PCDHGB4: variants seen among roughly 807,000 people sequenced by gnomAD.
PCDHGB4 encodes the protein protocadherin gamma-B4.
Under a neutral mutation model 60.5 loss-of-function variants are expected in PCDHGB4, and 38 were observed. The ratio of observed to expected loss-of-function variants is 0.63; its 90% CI spans 0.48 to 0.82. The LOEUF is 0.82. Among genes scored for constraint, PCDHGB4 ranks in the 40% least tolerant of loss-of-function variants. PCDHGB4 has a pLI of 0.00. For missense variants in PCDHGB4, 1,109 were observed against 1,209.6 expected (o/e 0.92, Z 1.23); for synonymous variants, 456 against 509.7 (o/e 0.89, Z 1.42).
chr5:141,464,622 CT>C (rs947370342), intron 1 of PCDHGB4, among the ~76,000 whole-genome samples: 8 of 152,058 alleles, frequency 5.3e-5, no homozygotes, highest in African/African-American at 1.9e-4. Flanking sequence ...TATTGTCAAG[CT>C]TTTTAATTGT....
Position 141,491,730 on chromosome 5 carries a change from C to G in PCDHGB4, c.2398-3077C>G, listed in dbSNP as rs1346666614. 1 of 1,603,920 alleles carries G rather than the reference C, an allele frequency of 6.2e-7. No homozygotes were observed. Among genetic ancestry groups the G allele is most frequent in the Non-Finnish European group, 8.5e-7 (1 of 1,175,836 alleles). ...GGGGCTCGGCGCCGCCCCGGGCGAC[C>G]CCTGGGGGCGGCACTGGAGAAGCCG... On this transcript the variant is annotated intron_variant, in intron 1 of 3. Coordinates refer to ENST00000519479, the MANE Select transcript of PCDHGB4 (RefSeq NM_003736.4). The surrounding 1 kb of genome is among the most constrained non-coding windows in gnomAD (Gnocchi z 6.9).
chr5:141,478,631 A>G (rs781339775), intron 1 of PCDHGB4: 1 of 1,553,196 alleles, frequency 6.4e-7, no homozygotes, highest in Non-Finnish European at 8.7e-7. Context: ...CTGTTTTTTT[A>G]GTGATGAAGA....
intron 1 of PCDHGB4, chr5:141,422,516 G>A (rs575294611): frequency 1.2e-6 from 2 of 1,614,014 alleles, no homozygotes; most frequent in African/African-American, 1.3e-5. Context: ...GACCAGGGAA[G>A]CCCGCCTTTG....
Position 141,420,946 on chromosome 5 carries a change from A to G in PCDHGB4, c.2397+30665A>G, listed in dbSNP as rs1561791007. 5 of 400,268 alleles carry G rather than the reference A, an allele frequency of 1.2e-5. No homozygotes were observed. In the East Asian group the frequency reaches 1.7e-4, roughly 14 times the overall value. The allele number at this position is 400,268 out of a possible 1,614,324, so 24.8% of individuals were successfully genotyped here. A position where few individuals can be genotyped will look rare whatever the true frequency, so the allele number is the denominator to read the frequency against. ...AGGTGAGCGTAATCATTTCTTCTGG[A>G]ATTTCTTAGTCGTTGCAATAATAAG... On this transcript the variant is annotated intron_variant, in intron 1 of 3. Coordinates refer to ENST00000519479, the MANE Select transcript of PCDHGB4 (RefSeq NM_003736.4).
At chr5:141,499,880 G>A (rs1177287013) in intron 2 of PCDHGB4, among the ~76,000 whole-genome samples, 1 of 151,886 alleles carries the variant, frequency 6.6e-6, no homozygotes, top group African/African-American at 2.4e-5. Flanking sequence ...TACAAACAGG[G>A]TTTCGCCATG....
In PCDHGB4 at chr5:141,400,299, A is replaced by G. The variant is rs374558900; in HGVS notation, c.2397+10018A>G. The G allele has an allele frequency of 9.8e-5, 158 of 1,613,834 alleles. 1 individual carries two copies. In the East Asian group the frequency reaches 1.2e-3, roughly 12 times the overall value. ...GCCCTGCCGCCTGGAGCTGCTTCCAACCTGGTCTCTGTGTCAAGTCTGGAC... is the reference window on the plus strand; with the variant it reads ...GCCCTGCCGCCTGGAGCTGCTTCCAGCCTGGTCTCTGTGTCAAGTCTGGAC... On this transcript the variant is annotated intron_variant, in intron 1 of 3. Coordinates refer to ENST00000519479, the MANE Select transcript of PCDHGB4 (RefSeq NM_003736.4).
intron 2 of PCDHGB4, among the ~76,000 whole-genome samples, chr5:141,498,971 G>GGAA (rs2099787559): frequency 9.0e-6 from 1 of 110,972 alleles, no homozygotes; most frequent in African/African-American, 3.6e-5. Flanking sequence ...GAGGGAGGGA[G>GGAA]GGAAGGAAGG....
intron 1 of PCDHGB4, among the ~76,000 whole-genome samples, chr5:141,402,471 A>G (rs1241536886): frequency 6.6e-6 from 1 of 152,238 alleles, no homozygotes; most frequent in Non-Finnish European, 1.5e-5. Context: ...CTAGAAATAG[A>G]GTGCAAAGTT....
intron 1 of PCDHGB4, chr5:141,390,918 T>G (rs997224874): frequency 5.2e-5 from 8 of 152,550 alleles, no homozygotes; most frequent in Non-Finnish European, 1.2e-4. Flanking sequence ...GAAAAAGGTC[T>G]ACTATGCTCA....
chr5:141,407,661 T>G (rs964293417), intron 1 of PCDHGB4, among the ~76,000 whole-genome samples: 13 of 152,164 alleles, frequency 8.5e-5, no homozygotes, highest in African/African-American at 2.7e-4. Flanking sequence ...GAGCGCAGTA[T>G]ATATTAAACA....
chr5:141,410,623 G>A (rs2154543147), intron 1 of PCDHGB4: 1 of 1,603,052 alleles, frequency 6.2e-7, no homozygotes, highest in Non-Finnish European at 8.5e-7. Flanking sequence ...TGACTTCGGT[G>A]AGTTTCTCTT....
In PCDHGB4 at chr5:141,487,439, T is replaced by C. The variant is rs201458212; in HGVS notation, c.2398-7368T>C. 1 of 1,613,926 alleles carries C rather than the reference T, an allele frequency of 6.2e-7. No individual in the cohort carries two copies. Among genetic ancestry groups the C allele is most frequent in the South Asian group, 1.1e-5 (1 of 91,066 alleles). ...TGGGATCCTCCGAATCCAGCTAGGG[T>C]CAGATGACCCTATCAAGTTTGTTGA... is the stretch of plus-strand genomic sequence containing the variant. On this transcript the variant is annotated intron_variant, in intron 1 of 3. Transcript: ENST00000519479. This position sits in a 1 kb window ranked among gnomAD's most constrained non-coding sequence, Gnocchi z 5.0.
intron 1 of PCDHGB4, among the ~76,000 whole-genome samples, chr5:141,494,392 A>C (rs1296077484): frequency 1.3e-5 from 2 of 152,258 alleles, no homozygotes; most frequent in East Asian, 3.9e-4. Flanking sequence ...GAGTTGAATA[A>C]ATTCATTCTA....
At position 141,388,043 on chromosome 5, in the gene PCDHGB4, C is replaced by T. The variant is rs952133270; in HGVS notation, c.159C>T (p.Asp53=). Residue 53 remains aspartate, a synonymous_variant, in exon 1 of 4, where the codon GAC becomes GAT. Coordinates refer to ENST00000519479, the MANE Select transcript of PCDHGB4 (RefSeq NM_003736.4). ...KGSVVGNLAT[D]LGFSVQELPT... ...CCGTAGTGGGGAACCTCGCCACGGACCTGGGGTTCAGCGTCCAGGAGTTAC... is the reference window on the plus strand; with the variant it reads ...CCGTAGTGGGGAACCTCGCCACGGATCTGGGGTTCAGCGTCCAGGAGTTAC... 6 of 1,412,324 alleles carry T rather than the reference C, an allele frequency of 4.2e-6. No individual in the cohort carries two copies. Among genetic ancestry groups the T allele is most frequent in the Middle Eastern group, 5.0e-4 (2 of 4,002 alleles). The allele number at this position is 1,412,324 out of a possible 1,614,324, so 87.5% of individuals were successfully genotyped here.
At position 141,432,185 on chromosome 5, in the gene PCDHGB4, G is replaced by A. The variant is rs376661062; in HGVS notation, c.2397+41904G>A. 8.1e-6 allele frequency: 13 copies of A among 1,613,956 alleles called. No individual in the cohort carries two copies. The African/African-American group carries it at 1.3e-4, about 17-fold the overall frequency. On this transcript the variant is annotated intron_variant, in intron 1 of 3. Transcript: ENST00000519479. This position sits in a 1 kb window ranked among gnomAD's most constrained non-coding sequence, Gnocchi z 6.0. ...AGGAGTTTCCCTCGTCTCTGTGACC[G>A]CCCACGACCCCGACTGTGAAGAGAA...
chr5:141,465,761 G>A (rs1040750106), intron 1 of PCDHGB4, among the ~76,000 whole-genome samples: 2 of 151,634 alleles, frequency 1.3e-5, no homozygotes, highest in African/African-American at 4.8e-5. Flanking sequence ...GTAAAGTCAT[G>A]TTTCATCTCT....
At chr5:141,482,530 C>CAAAAAAAAAAAA (rs3074545) in intron 1 of PCDHGB4, among the ~76,000 whole-genome samples, 11 of 76,552 alleles carry the variant, frequency 1.4e-4, no homozygotes, top group African/African-American at 2.9e-4. Flanking sequence ...GACAGACATG[C>CAAAAAAAAAAAA]AAAAAAAAAA....
At chr5:141,419,928 T>G in intron 1 of PCDHGB4, 1 of 1,614,084 alleles carries the variant, frequency 6.2e-7, no homozygotes, top group South Asian at 1.1e-5. Flanking sequence ...GAGATGCAGT[T>G]TTACCTGGTG....
intron 1 of PCDHGB4, among the ~76,000 whole-genome samples, chr5:141,397,293 A>T (rs1449132000): frequency 6.6e-6 from 1 of 152,220 alleles, no homozygotes; most frequent in African/African-American, 2.4e-5. Flanking sequence ...ACTTGAATGA[A>T]TATTTCCTGA....
Sources: allele counts gnomAD v4.1 joint callset (sites outside exome capture counted in the v4.1 genomes callset), GRCh38; gene constraint gnomAD v4.1.1; non-coding constraint Gnocchi (gnomAD v3.1); transcripts MANE v1.5; gene names NCBI Gene and HGNC (gene_info 2026-07-23, HGNC 2026-07-21).